The following C8orf34 variants were observed in gnomAD, a reference collection of about 807,000 sequenced individuals.
C8orf34 encodes uncharacterized protein C8orf34.
A neutral mutation model predicts 68.3 loss-of-function variants in C8orf34; 65 were observed. The ratio of observed to expected loss-of-function variants is 0.95; its 90% CI spans 0.78 to 1.17. The LOEUF (loss-of-function observed/expected upper bound fraction) is 1.17. C8orf34 is among the 50% of genes most tolerant of loss of function. C8orf34 has a pLI of 0.00. For synonymous variants in C8orf34, 244 were observed against 241.2 expected, an observed-to-expected ratio of 1.01 and a Z score of -0.11; for missense variants, 664 against 655.4, an observed-to-expected ratio of 1.01 and a Z score of -0.14.
At chr8:68,582,183 T>C (rs908888164) in intron 7 of C8orf34, among the ~76,000 whole-genome samples, 2 of 152,106 alleles carry the variant, frequency 1.3e-5, no homozygotes, top group African/African-American at 2.4e-5. Flanking sequence ...ACTTCATTTG[T>C]ATGGTTAGAC....
chr8:68,487,535 G>A (rs930844972), intron 4 of C8orf34, among the ~76,000 whole-genome samples: 1 of 152,174 alleles, frequency 6.6e-6, no homozygotes, highest in African/African-American at 2.4e-5. Context: ...CTGAGGGACT[G>A]TGGGAAAATT....
At chr8:68,535,121 T>A (rs1023475373) in intron 7 of C8orf34, 1 of 984,772 alleles carries the variant, frequency 1.0e-6, no homozygotes, top group African/African-American at 1.7e-5. Flanking sequence ...AATAATGCCA[T>A]ATTCAATTTC....
At chr8:68,581,702 C>T (rs1424780132) in intron 7 of C8orf34, among the ~76,000 whole-genome samples, 4 of 152,246 alleles carry the variant, frequency 2.6e-5, no homozygotes, top group South Asian at 2.1e-4. Flanking sequence ...AGCTGTCCTG[C>T]GGTCCCAAAG....
At chr8:68,393,083 A>G (rs1808539187) in intron 1 of C8orf34, among the ~76,000 whole-genome samples, 2 of 152,126 alleles carry the variant, frequency 1.3e-5, no homozygotes, top group African/African-American at 2.4e-5. Context: ...TATAGCTTGT[A>G]TTTGGTGAAT....
Position 68,659,354 on chromosome 8 carries a change from T to C in C8orf34, c.1241+18843T>C, listed in dbSNP as rs1021948030. 2.0e-5 allele frequency among the ~76,000 whole-genome samples: 3 copies of C among 152,188 alleles called. No individual in the cohort carries two copies. In the East Asian group the frequency reaches 5.8e-4, roughly 29 times the overall value. ...CAAGAACAGGGTATTTCCTACTCTT[T>C]CCAGCCTCTTTTGCCTCCTTCTGAT... On this transcript the variant is annotated intron_variant, in intron 8 of 13. Coordinates refer to ENST00000518698, the MANE Select transcript of C8orf34 (RefSeq NM_052958.4).
At chr8:68,370,472 A>G (rs566916837) in intron 1 of C8orf34, among the ~76,000 whole-genome samples, 22 of 152,196 alleles carry the variant, frequency 1.4e-4, no homozygotes, top group Non-Finnish European at 2.4e-4. Context: ...GGCAGCTAGT[A>G]TGGAGCCTAT....
At chr8:68,591,192 A>C (rs1483091572) in intron 7 of C8orf34, among the ~76,000 whole-genome samples, 1 of 152,166 alleles carries the variant, frequency 6.6e-6, no homozygotes, top group East Asian at 1.9e-4. Context: ...AAATCGCCAA[A>C]CTAAAGGTCC....
chr8:68,713,763 A>G (rs1044000228), intron 9 of C8orf34, among the ~76,000 whole-genome samples: 1 of 152,104 alleles, frequency 6.6e-6, no homozygotes, highest in African/African-American at 2.4e-5. Flanking sequence ...AAAGGTAGAG[A>G]AAAGGGTAAT....
intron 7 of C8orf34, among the ~76,000 whole-genome samples, chr8:68,617,531 C>T (rs1818261089): frequency 6.6e-6 from 1 of 152,118 alleles, no homozygotes; most frequent in African/African-American, 2.4e-5. Context: ...TTTTATTTCT[C>T]CTTCACTTAT....
At chr8:68,357,648 C>G (rs997335941) in intron 1 of C8orf34, among the ~76,000 whole-genome samples, 18 of 152,128 alleles carry the variant, frequency 1.2e-4, no homozygotes, top group Admixed American at 9.2e-4. Flanking sequence ...ATAAGGCTGG[C>G]CTGTTGAGGA....
chr8:68,414,407 A>G (rs763548312), intron 1 of C8orf34, among the ~76,000 whole-genome samples: 1 of 152,244 alleles, frequency 6.6e-6, no homozygotes, highest in Non-Finnish European at 1.5e-5. Flanking sequence ...AGTGTACAGC[A>G]TATTATCATA....
Position 68,640,370 on chromosome 8 carries a change from T to G in C8orf34, c.1106-6T>G, listed in dbSNP as rs1818968883. 1 of 1,612,004 alleles carries G rather than the reference T, an allele frequency of 6.2e-7. No homozygotes were observed. The highest frequency in any genetic ancestry group is 8.5e-7 in the Non-Finnish European group (1 of 1,179,128). On this transcript the variant is annotated splice_region_variant and splice_polypyrimidine_tract_variant and intron_variant, in intron 7 of 13. Transcript: ENST00000518698. ...TTTTTCTCTGTAATTGTTTGTGTTGTTACAGAGGATCTTAATGATTTAAGA... is the reference window on the plus strand; with the variant it reads ...TTTTTCTCTGTAATTGTTTGTGTTGGTACAGAGGATCTTAATGATTTAAGA...
intron 7 of C8orf34, among the ~76,000 whole-genome samples, chr8:68,610,856 C>CT (rs200334268): frequency 3.9e-4 from 41 of 104,460 alleles, no homozygotes; most frequent in African/African-American, 9.8e-4. Flanking sequence ...TACAGTGAAT[C>CT]TTTGGTTTTT....
intron 1 of C8orf34, among the ~76,000 whole-genome samples, chr8:68,399,963 G>A (rs1808877607): frequency 6.6e-6 from 1 of 151,998 alleles, no homozygotes; most frequent in Non-Finnish European, 1.5e-5. Context: ...GTCTTCTTTT[G>A]AAAAATGTAT....
At chr8:68,520,246 C>T (rs149050033) in intron 5 of C8orf34, among the ~76,000 whole-genome samples, 1 of 152,270 alleles carries the variant, frequency 6.6e-6, no homozygotes, top group East Asian at 1.9e-4. Context: ...CTTTCTGTCA[C>T]TTGCTATTAC....
At position 68,475,035 on chromosome 8, in the gene C8orf34, C is replaced by T. The variant is rs558943815; in HGVS notation, c.736+6215C>T. On this transcript the variant is annotated intron_variant, in intron 4 of 13. Coordinates refer to ENST00000518698, the MANE Select transcript of C8orf34 (RefSeq NM_052958.4). ...CAGAGAAAGTGCTCCAGGATCTGGCCGTTTATTGGGTCTCCAGTACCATTG... is the reference window on the plus strand; with the variant it reads ...CAGAGAAAGTGCTCCAGGATCTGGCTGTTTATTGGGTCTCCAGTACCATTG... Among the ~76,000 whole-genome samples, 48 of 152,196 alleles carry T rather than the reference C, an allele frequency of 3.2e-4. 2 individuals are homozygous for T. In the South Asian group the frequency reaches 5.4e-3, roughly 17 times the overall value.
chr8:68,654,039 C>A (rs1052223348), intron 8 of C8orf34, among the ~76,000 whole-genome samples: 11 of 152,036 alleles, frequency 7.2e-5, no homozygotes, highest in African/African-American at 2.7e-4. Flanking sequence ...TAAAACAATT[C>A]TGCTTTATAT....
chr8:68,731,802 T>G (rs1585795101), intron 10 of C8orf34, among the ~76,000 whole-genome samples: 1 of 152,386 alleles, frequency 6.6e-6, no homozygotes, highest in East Asian at 1.9e-4. Flanking sequence ...ACTTTAATTT[T>G]GGTGTTAAAT....
chr8:68,360,646 T>C (rs1010699702), intron 1 of C8orf34, among the ~76,000 whole-genome samples: 1 of 152,172 alleles, frequency 6.6e-6, no homozygotes, highest in Non-Finnish European at 1.5e-5. Context: ...ACACACTGCC[T>C]TTAGTGTCAG....
Sources: gnomAD v4.1 joint callset for allele counts (sites outside exome capture counted in the v4.1 genomes callset) on GRCh38, gnomAD v4.1.1 for gene constraint, MANE v1.5 for transcripts, NCBI Gene and HGNC (gene_info 2026-07-23, HGNC 2026-07-21) for gene names.